Variants in TOMM34 observed in about 807,000 individuals in gnomAD.
TOMM34 encodes the protein translocase of outer mitochondrial membrane 34, also known as mitochondrial import receptor subunit TOM34.
A neutral mutation model predicts 37.4 loss-of-function variants in TOMM34; 24 were observed. The observed-to-expected ratio is 0.64, with a 90% CI of 0.46 to 0.90. The LOEUF (loss-of-function observed/expected upper bound fraction) is 0.90. TOMM34 is among the 40% of genes least tolerant of loss of function. TOMM34 has a pLI of 0.00. For missense variants in TOMM34, 304 were observed against 375.6 expected, an observed-to-expected ratio of 0.81 and a Z score of 1.58; for synonymous variants, 154 against 148.9, an observed-to-expected ratio of 1.03 and a Z score of -0.25.
intron 6 of TOMM34, 53 bp from the exon 7 acceptor site, chr20:44,943,266 G>C: frequency 6.2e-7 from 1 of 1,604,462 alleles, no homozygotes; most frequent in Non-Finnish European, 8.5e-7. Context: ...CTGGGGTGGG[G>C]ATAGCTGCTG....
intron 5 of TOMM34, among the ~76,000 whole-genome samples, chr20:44,943,966 T>C (rs1202795221): frequency 6.6e-6 from 1 of 151,406 alleles, no homozygotes; most frequent in African/African-American, 2.4e-5. Context: ...ATTATCTACT[T>C]TAAGGGGGAA....
At chr20:44,959,446 C>T (rs535726540) in intron 1 of TOMM34, among the ~76,000 whole-genome samples, 2 of 152,280 alleles carry the variant, frequency 1.3e-5, no homozygotes, top group East Asian at 3.9e-4. Flanking sequence ...CATCCAGCAG[C>T]TTTCATGCCA....
At chr20:44,948,611 G>A (rs1659490769) in intron 5 of TOMM34, 119 bp downstream of exon 5, 2 of 1,297,016 alleles carry the variant, frequency 1.5e-6, no homozygotes, top group South Asian at 3.0e-5. Flanking sequence ...GTGGATGCAT[G>A]TTTTCAGCCA....
chr20:44,948,950 ATCG>A, intron 4 of TOMM34, 73 bp from the exon 5 acceptor site: 1 of 1,547,820 alleles, frequency 6.5e-7, no homozygotes, highest in Non-Finnish European at 8.7e-7. Context: ...TCTCTTCAGC[ATCG>A]TCCCTTCCAA....
intron 3 of TOMM34, among the ~76,000 whole-genome samples, chr20:44,953,591 T>C (rs2067045093): frequency 6.6e-6 from 1 of 152,212 alleles, no homozygotes; most frequent in Admixed American, 6.5e-5. Flanking sequence ...ATTTTCTTCC[T>C]TTGTTCCATG....
intron 1 of TOMM34, among the ~76,000 whole-genome samples, chr20:44,959,499 TACA>T (rs1037885554): frequency 6.6e-6 from 1 of 152,188 alleles, no homozygotes; most frequent in Non-Finnish European, 1.5e-5. Flanking sequence ...TAGCAGAGTT[TACA>T]ACACCTCCAC....
At chr20:44,946,652 T>C (rs1009349649) in intron 5 of TOMM34, among the ~76,000 whole-genome samples, 39 of 152,218 alleles carry the variant, frequency 2.6e-4, no homozygotes, top group African/African-American at 8.0e-4. Flanking sequence ...TGCACTCAGA[T>C]GTCACCTGCA....
At chr20:44,958,266 G>A (rs1040484739) in intron 1 of TOMM34, 32 of 450,098 alleles carry the variant, frequency 7.1e-5, no homozygotes, top group African/African-American at 6.5e-4. Context: ...GTATCCTGTT[G>A]CCATGTTGAT....
intron 1 of TOMM34, chr20:44,958,286 C>G (rs77840809): frequency 4.3e-6 from 2 of 462,260 alleles, no homozygotes; most frequent in African/African-American, 4.0e-5. Flanking sequence ...TATTTGATAT[C>G]TTTCATTCAA....
chr20:44,960,329 G>A lies in TOMM34; in HGVS notation c.5C>T (p.Ala2Val), dbSNP rs1202669488. 2 of 1,571,850 alleles carry A rather than the reference G, an allele frequency of 1.3e-6. No homozygotes were observed. The highest frequency in any genetic ancestry group is 1.4e-5 in the African/African-American group (1 of 72,194). The change falls in exon 1 of 7, where the codon GCC becomes GTC. Residue 2 changes from alanine (A) to valine (V), a missense_variant. Coordinates refer to ENST00000372813, the MANE Select transcript of TOMM34 (RefSeq NM_006809.5). M[A>V]PKFPDSVEEL... Reference sequence around the variant, plus strand: ...CTCCACAGAGTCTGGGAATTTGGGGGCCATCCCGTGGCCAGGCCGGCGAGT... The same window carrying A: ...CTCCACAGAGTCTGGGAATTTGGGGACCATCCCGTGGCCAGGCCGGCGAGT...
chr20:44,960,317 G>C lies in TOMM34; in HGVS notation c.17C>G (p.Pro6Arg), dbSNP rs1388165377. Residue 6 changes from proline to arginine, a missense_variant, in exon 1 of 7, where the codon CCA becomes CGA. Physicochemically the swap from Pro to Arg is moderately radical, Grantham distance 103. Transcript: ENST00000372813. ...GGCGCGGAGCTCCTCCACAGAGTCT[G>C]GGAATTTGGGGGCCATCCCGTGGCC... MAPKF[P>R]DSVEELRAAG... 1.3e-6 allele frequency: 2 copies of C among 1,579,700 alleles called. No individual in the cohort carries two copies. Among genetic ancestry groups the C allele is most frequent in the Admixed American group, 3.5e-5 (2 of 56,726 alleles).
intron 4 of TOMM34, among the ~76,000 whole-genome samples, chr20:44,950,583 AGAAT>A (rs1461987553): frequency 1.3e-5 from 2 of 152,370 alleles, no homozygotes; most frequent in Admixed American, 1.3e-4. Flanking sequence ...ACTGATTTAA[AGAAT>A]GAAATCAATG....
chr20:44,955,398 G>T, intron 2 of TOMM34, 178 bp from the exon 3 acceptor site: 4 of 734,336 alleles, frequency 5.4e-6, no homozygotes, highest in Non-Finnish European at 9.3e-6. Context: ...AGACTGAAGT[G>T]AGGAGGAGAA....
intron 5 of TOMM34, among the ~76,000 whole-genome samples, chr20:44,947,486 C>G (rs921373149): frequency 1.3e-5 from 2 of 152,156 alleles, no homozygotes; most frequent in African/African-American, 4.8e-5. Flanking sequence ...CATATTACCT[C>G]ACTAAAATGG....
At chr20:44,957,417 G>A (rs1476466986) in intron 1 of TOMM34, among the ~76,000 whole-genome samples, 1 of 152,056 alleles carries the variant, frequency 6.6e-6, no homozygotes, top group Admixed American at 6.6e-5. Flanking sequence ...CAGGCAATCC[G>A]CCTGCCTCGG....
chr20:44,958,144 A>ATATATGTG (rs1555802842), intron 1 of TOMM34, among the ~76,000 whole-genome samples: 2 of 146,918 alleles, frequency 1.4e-5, no homozygotes, highest in Non-Finnish European at 3.0e-5. Flanking sequence ...ATGTATATAT[A>ATATATGTG]TGTGTGTGTG....
intron 4 of TOMM34, among the ~76,000 whole-genome samples, chr20:44,950,890 A>G (rs1258404451): frequency 1.3e-5 from 2 of 152,200 alleles, no homozygotes; most frequent in Non-Finnish European, 2.9e-5. Flanking sequence ...TGGAGCATTA[A>G]AAGAGCTTCC....
chr20:44,952,424 T>C (rs751179679), intron 3 of TOMM34, among the ~76,000 whole-genome samples: 1 of 152,188 alleles, frequency 6.6e-6, no homozygotes, highest in Non-Finnish European at 1.5e-5. Context: ...CATTCTCAAA[T>C]CTTACAACTC....
At chr20:44,951,765 G>T in intron 4 of TOMM34, 68 bp downstream of exon 4, 1 of 1,515,906 alleles carries the variant, frequency 6.6e-7, no homozygotes, top group Non-Finnish European at 8.9e-7. Flanking sequence ...GCCAATTTTT[G>T]CAGGACTACT....
Sources: allele counts gnomAD v4.1 joint callset (sites outside exome capture counted in the v4.1 genomes callset), GRCh38; gene constraint gnomAD v4.1.1; transcripts MANE v1.5; gene names NCBI Gene and HGNC (gene_info 2026-07-23, HGNC 2026-07-21).